The following MAPK4 variants were observed in gnomAD, a reference collection of about 807,000 sequenced individuals.
MAPK4 encodes the protein Erk3-related.
In MAPK4, 22 loss-of-function variants were observed where a neutral mutation model predicts 47.7. The ratio of observed to expected loss-of-function variants is 0.46; its 90% CI spans 0.33 to 0.66. The LOEUF (loss-of-function observed/expected upper bound fraction) is 0.66. Among genes scored for constraint, MAPK4 ranks in the 30% least tolerant of loss-of-function variants. The probability of loss-of-function intolerance (pLI) is 0.02; values close to 1 mark genes in which losing one functional copy is unlikely to be tolerated. For synonymous variants in MAPK4, 390 were observed against 365.7 expected (o/e 1.07, Z -0.76); for missense variants, 736 against 831.7 (o/e 0.88, Z 1.42).
rs79975567 is a variant in MAPK4 at position 50,575,095 on chromosome 18, C to T, written c.-871+14852C>T. Among the ~76,000 whole-genome samples, 559 of 152,256 alleles carry T rather than the reference C, an allele frequency of 3.7e-3. 3 individuals carry two copies. The highest frequency in any genetic ancestry group is 0.013 in the African/African-American group (525 of 41,540). On this transcript the variant is annotated intron_variant, in intron 1 of 5. Transcript: ENST00000400384. ...GGCCTTCGGGGAGGCGTTTAGGTCA[C>T]GAGGGCTCTGTCCTCATGAATAGAT...
chr18:50,695,402 T>C (rs974997936), intron 2 of MAPK4, among the ~76,000 whole-genome samples: 10 of 148,804 alleles, frequency 6.7e-5, no homozygotes, highest in Non-Finnish European at 1.3e-4. Context: ...GAAAGTGTCA[T>C]GTATAGCCAG....
intron 2 of MAPK4, among the ~76,000 whole-genome samples, chr18:50,674,827 A>G (rs540359992): frequency 1.3e-5 from 2 of 152,202 alleles, no homozygotes; most frequent in Non-Finnish European, 2.9e-5. Context: ...GGCACCTAGC[A>G]TAGTATCTGA....
chr18:50,567,279 C>T (rs895605362), intron 1 of MAPK4, among the ~76,000 whole-genome samples: 1 of 152,096 alleles, frequency 6.6e-6, no homozygotes, highest in East Asian at 1.9e-4. Context: ...GTGATGTTCC[C>T]CTCCCTGTGT....
chr18:50,573,643 C>T (rs1472345417), intron 1 of MAPK4, among the ~76,000 whole-genome samples: 1 of 152,138 alleles, frequency 6.6e-6, no homozygotes, highest in African/African-American at 2.4e-5. Context: ...CATACCCAGC[C>T]CTGTACACAG....
At chr18:50,718,118 G>C (rs1314249429) in intron 3 of MAPK4, among the ~76,000 whole-genome samples, 1 of 152,206 alleles carries the variant, frequency 6.6e-6, no homozygotes, top group African/African-American at 2.4e-5. Context: ...AATGCAGGGT[G>C]GGAAAATGAG....
intron 1 of MAPK4, among the ~76,000 whole-genome samples, chr18:50,636,353 T>C (rs1002621796): frequency 6.6e-6 from 1 of 152,240 alleles, no homozygotes. Flanking sequence ...GGGCAGGGGC[T>C]ATGTCTGACT....
intron 3 of MAPK4, among the ~76,000 whole-genome samples, chr18:50,716,667 G>A (rs1333075370): frequency 6.6e-6 from 1 of 152,038 alleles, no homozygotes; most frequent in Non-Finnish European, 1.5e-5. Context: ...CAGAACTCCG[G>A]GCCTCATATC....
intron 2 of MAPK4, among the ~76,000 whole-genome samples, chr18:50,714,813 T>G (rs1910552318): frequency 6.6e-6 from 1 of 152,226 alleles, no homozygotes; most frequent in African/African-American, 2.4e-5. Context: ...TTCTAAAATA[T>G]TAATAACCTG....
intron 2 of MAPK4, among the ~76,000 whole-genome samples, chr18:50,665,722 C>G (rs1256609445): frequency 2.6e-5 from 4 of 152,152 alleles, no homozygotes; most frequent in African/African-American, 9.7e-5. Context: ...GGTTTCAGAC[C>G]CCAAATCAGC....
intron 1 of MAPK4, among the ~76,000 whole-genome samples, chr18:50,636,279 C>T (rs1339546938): frequency 1.3e-5 from 2 of 152,184 alleles, no homozygotes; most frequent in Non-Finnish European, 1.5e-5. Flanking sequence ...ATCTGCAGCT[C>T]AACTTCCATT....
At chr18:50,628,721 C>T (rs1784875512) in intron 1 of MAPK4, among the ~76,000 whole-genome samples, 1 of 152,128 alleles carries the variant, frequency 6.6e-6, no homozygotes, top group South Asian at 2.1e-4. Context: ...CCTCCGACCT[C>T]TCCTCTCCCA....
chr18:50,716,920 A>C (rs1186277559), intron 3 of MAPK4, among the ~76,000 whole-genome samples: 1 of 152,064 alleles, frequency 6.6e-6, no homozygotes, highest in Non-Finnish European at 1.5e-5. Context: ...CTTGCCTGCT[A>C]TTAACAAAGC....
At chr18:50,620,020 G>A (rs1201648936) in intron 1 of MAPK4, among the ~76,000 whole-genome samples, 1 of 152,194 alleles carries the variant, frequency 6.6e-6, no homozygotes, top group Admixed American at 6.5e-5. Flanking sequence ...TTCTTTATTT[G>A]GGTTGGCAAC....
At chr18:50,647,957 C>T (rs2043006322) in intron 1 of MAPK4, among the ~76,000 whole-genome samples, 2 of 152,284 alleles carry the variant, frequency 1.3e-5, no homozygotes, top group South Asian at 4.1e-4. Context: ...ATTCCCACCC[C>T]TGCATCATTT....
intron 1 of MAPK4, among the ~76,000 whole-genome samples, chr18:50,619,157 G>A (rs2042709451): frequency 6.6e-6 from 1 of 152,216 alleles, no homozygotes; most frequent in East Asian, 1.9e-4. Context: ...GAGATTCCAG[G>A]CTAAAGGTAT....
chr18:50,609,181 T>C (rs2149376300), intron 1 of MAPK4, among the ~76,000 whole-genome samples: 1 of 151,978 alleles, frequency 6.6e-6, no homozygotes, highest in East Asian at 1.9e-4. Flanking sequence ...CCCCCTTTTC[T>C]ATTCGACAAA....
intron 1 of MAPK4, among the ~76,000 whole-genome samples, chr18:50,654,936 C>T (rs2043091799): frequency 6.6e-6 from 1 of 152,236 alleles, no homozygotes. Flanking sequence ...AGAGCAAAGC[C>T]TGAACGCTCC....
chr18:50,582,298 G>T (rs1018409826), intron 1 of MAPK4, among the ~76,000 whole-genome samples: 1 of 152,142 alleles, frequency 6.6e-6, no homozygotes, highest in Non-Finnish European at 1.5e-5. Flanking sequence ...CTCAGGTGCG[G>T]GTGCCCTTAC....
At chr18:50,676,640 T>C (rs1206182417) in intron 2 of MAPK4, among the ~76,000 whole-genome samples, 3 of 152,238 alleles carry the variant, frequency 2.0e-5, no homozygotes, top group African/African-American at 4.8e-5. Context: ...TTAGGAAACA[T>C]CACCACTTTA....
Sources: allele counts gnomAD v4.1 joint callset (sites outside exome capture counted in the v4.1 genomes callset), GRCh38; gene constraint gnomAD v4.1.1; transcripts MANE v1.5; gene names NCBI Gene and HGNC (gene_info 2026-07-23, HGNC 2026-07-21).